Variants in TTC3 observed in about 807,000 individuals in gnomAD.
TTC3 encodes tetratricopeptide repeat domain 3.
TTC3 carries 180 observed loss-of-function variants against 249.6 expected under a neutral mutation model. The observed-to-expected ratio is 0.72, with a 90% confidence interval of 0.64 to 0.82. The LOEUF (loss-of-function observed/expected upper bound fraction) is 0.82, where lower values mean the gene tolerates loss of function less well. TTC3 is among the 40% of genes least tolerant of loss of function. TTC3 has a pLI of 0.00. For synonymous variants in TTC3, 717 were observed against 805.0 expected (o/e 0.89, Z 1.85); for missense variants, 2,061 against 2,398.4 (o/e 0.86, Z 2.94).
At chr21:37,200,124 T>C in intron 44 of TTC3, 108 bp from the exon 45 acceptor site, 1 of 890,436 alleles carries the variant, frequency 1.1e-6, no homozygotes, top group Non-Finnish European at 1.7e-6. Context: ...GTGAATAATT[T>C]GCCACCCTTT....
chr21:37,087,318 C>T (rs377754447), exon 2 of TTC3: 80 of 1,613,920 alleles, frequency 5.0e-5, no homozygotes, highest in Non-Finnish European at 6.6e-5. Context: ...AGAAGATTGC[C>T]CTCACGTGGA....
intron 31 of TTC3, 54 bp downstream of exon 31, chr21:37,162,117 A>G: frequency 1.8e-6 from 2 of 1,134,934 alleles, no homozygotes; most frequent in Non-Finnish European, 2.5e-6. Context: ...TCTTTACTTA[A>G]TAAGTTGTGT....
exon 32 of TTC3, chr21:37,164,110 TAGA>T: frequency 6.2e-7 from 1 of 1,613,518 alleles, no homozygotes; most frequent in South Asian, 1.1e-5. Context: ...CGGCAAGATG[TAGA>T]AGAATTCGAA....
intron 22 of TTC3, 86 bp from the exon 23 acceptor site, chr21:37,148,460 C>G: frequency 1.7e-6 from 1 of 573,770 alleles, no homozygotes; most frequent in Non-Finnish European, 3.0e-6. Context: ...GTTAGTCAAG[C>G]TCTCTCTGTC....
chr21:37,087,898 T>G, intron 3 of TTC3, 23 bp downstream of exon 3: 2 of 1,560,638 alleles, frequency 1.3e-6, no homozygotes, highest in Non-Finnish European at 8.8e-7. Flanking sequence ...GTATTTTTAA[T>G]GTTAATTTAT....
At position 37,128,428 on chromosome 21, in the gene TTC3, G is replaced by A. The variant is rs1281129483; in HGVS notation, c.1298-575G>A. Among the ~76,000 whole-genome samples the A allele has an allele frequency of 3.3e-5, 5 of 152,226 alleles. No individual in the cohort carries two copies. The South Asian group carries it at 8.3e-4, about 25-fold the overall frequency. ...TTTCCAGCCTTCCACCCTTTTTGAG[G>A]TCTTGAAATCACACAGGTTTACTTA... On this transcript the variant is annotated intron_variant, in intron 15 of 45. Transcript: ENST00000355666.
chr21:37,105,756 G>A (rs891966374), intron 10 of TTC3, among the ~76,000 whole-genome samples: 3 of 152,120 alleles, frequency 2.0e-5, no homozygotes, highest in Admixed American at 6.5e-5. Context: ...TATACTATGT[G>A]TTCTTTTATG....
intron 1 of TTC3, among the ~76,000 whole-genome samples, chr21:37,076,446 G>A (rs1377921015): frequency 6.6e-6 from 1 of 152,150 alleles, no homozygotes; most frequent in Non-Finnish European, 1.5e-5. Context: ...GAGCCCCAGA[G>A]GAGTAATGAA....
chr21:37,152,204 GAAC>G (rs3831442), intron 26 of TTC3, among the ~76,000 whole-genome samples, 175 bp downstream of exon 26: 3,593 of 152,150 alleles, frequency 0.024, 203 homozygotes, highest in East Asian at 0.23. Context: ...TTGGTGTAAA[GAAC>G]ACTGAAAAAC....
intron 37 of TTC3, 34 bp from the exon 38 acceptor site, chr21:37,187,015 C>T: frequency 2.1e-6 from 3 of 1,446,206 alleles, no homozygotes; most frequent in Non-Finnish European, 2.8e-6. Flanking sequence ...AAATTTTGTT[C>T]AAGAAAGTTT....
At chr21:37,134,263 A>G (rs554280482) in intron 17 of TTC3, among the ~76,000 whole-genome samples, 9 of 152,270 alleles carry the variant, frequency 5.9e-5, no homozygotes, top group Admixed American at 3.3e-4. Flanking sequence ...CATCCTGGCC[A>G]TCATGGCGAA....
exon 46 of TTC3, chr21:37,203,015 A>G (rs908335271): frequency 6.6e-6 from 1 of 152,238 alleles, no homozygotes; most frequent in Non-Finnish European, 1.5e-5. Flanking sequence ...CATCCGTTGA[A>G]TGAGTGTGTT....
chr21:37,094,216 G>C (rs559569641), intron 8 of TTC3, 126 bp downstream of exon 8: 23 of 518,766 alleles, frequency 4.4e-5, no homozygotes, highest in Admixed American at 1.9e-4. Context: ...TTGAGGGAAA[G>C]AACTAATATC....
chr21:37,153,968 G>A (rs1569076988), intron 27 of TTC3, among the ~76,000 whole-genome samples: 2 of 149,442 alleles, frequency 1.3e-5, no homozygotes, highest in East Asian at 1.9e-4. Flanking sequence ...TCTGACTTTC[G>A]TAACTTGGCT....
intron 11 of TTC3, among the ~76,000 whole-genome samples, chr21:37,115,419 T>TA (rs1337832948): frequency 6.6e-6 from 1 of 152,064 alleles, no homozygotes; most frequent in African/African-American, 2.4e-5. Flanking sequence ...GAAGCCCCAG[T>TA]AAACTGGTGG....
chr21:37,156,568 A>C, intron 27 of TTC3, 87 bp from the exon 28 acceptor site: 1 of 1,489,260 alleles, frequency 6.7e-7, no homozygotes, highest in Non-Finnish European at 9.0e-7. Flanking sequence ...AACTATAATC[A>C]GCTGCTTTCA....
rs745590685 is a variant in TTC3 at position 37,197,963 on chromosome 21, G to A, written c.5788G>A (p.Val1930Met). 8.7e-6 allele frequency: 14 copies of A among 1,613,912 alleles called. No individual in the cohort carries two copies. In the South Asian group the frequency reaches 1.2e-4, roughly 14 times the overall value. Residue 1930 changes from valine to methionine, a missense_variant, in exon 44 of 46, where the codon GTG becomes ATG. Val to Met is a conservative substitution (Grantham distance 21). This residue lies in a region of TTC3 where 1,040 missense variants were observed against 1,186.1 expected (regional missense o/e 0.88). Transcript: ENST00000355666. ...CAGGTCCTCCCAGGGCTCACCCTCG[G>A]TGGTTGTTGCACCATCACCCAAAAC...
At chr21:37,127,658 A>AT (rs1017993753) in intron 15 of TTC3, among the ~76,000 whole-genome samples, 1 of 152,020 alleles carries the variant, frequency 6.6e-6, no homozygotes, top group African/African-American at 2.4e-5. Flanking sequence ...GAGATTGTTG[A>AT]TTTTTTAGTT....
chr21:37,088,740 G>A, intron 4 of TTC3, 59 bp from the exon 5 acceptor site: 1 of 1,473,624 alleles, frequency 6.8e-7, no homozygotes, highest in Non-Finnish European at 9.3e-7. Context: ...TAAGCATAAA[G>A]TTCAATGAAT....
Sources: allele counts gnomAD v4.1 joint callset (sites outside exome capture counted in the v4.1 genomes callset), GRCh38; gene constraint gnomAD v4.1.1; regional missense constraint gnomAD v4.1.1; transcripts MANE v1.5; gene names NCBI Gene and HGNC (gene_info 2026-07-23, HGNC 2026-07-21).